Variants in REV3L observed in about 807,000 individuals in gnomAD.
REV3L encodes DNA polymerase zeta catalytic subunit.
Under a neutral mutation model 299.4 loss-of-function variants are expected in REV3L, and 69 were observed. The ratio of observed to expected loss-of-function variants is 0.23; its 90% CI spans 0.19 to 0.28. The LOEUF is 0.28. Ranked by LOEUF, REV3L falls within the 10% of genes least tolerant of loss-of-function variation. The pLI is 1.00. For synonymous variants in REV3L, 1,238 were observed against 1,271.4 expected (o/e 0.97, Z 0.56); for missense variants, 3,128 against 3,693.8 (o/e 0.85, Z 3.97).
chr6:111,331,844 G>T, intron 23 of REV3L, 60 bp from the exon 24 acceptor site: 2 of 1,115,540 alleles, frequency 1.8e-6, no homozygotes, highest in Non-Finnish European at 2.7e-6. Flanking sequence ...GAGATTTTAC[G>T]CAATTTAAAA....
In REV3L at chr6:111,389,201, C is replaced by T. The variant is rs1393750546; in HGVS notation, c.767G>A (p.Gly256Asp). The T allele has an allele frequency of 6.2e-7, 1 of 1,612,898 alleles. No homozygotes were observed. Among genetic ancestry groups the T allele is most frequent in the Non-Finnish European group, 8.5e-7 (1 of 1,179,142 alleles). Residue 256 changes from glycine to aspartate, a missense_variant, in exon 7 of 32, where the codon GGT becomes GAT. Gly to Asp is a moderately conservative substitution (Grantham distance 94). Around this residue, in one of 9 missense-constraint regions of REV3L, gnomAD observed 2,409 missense variants for 2,611.8 expected, o/e 0.92. Transcript: ENST00000368802. The stretch of plus-strand genomic sequence containing the variant: ...TATGGCCTGTAGACCAGGGTTTCCA[C>T]CAATTTGAGCTGTAATCACAATAAT... ...LNRLDIEAQI[G>D]GNPGLQAIWE...
chr6:111,436,625 G>A (rs1400576298), intron 1 of REV3L, among the ~76,000 whole-genome samples: 4 of 152,274 alleles, frequency 2.6e-5, no homozygotes, highest in South Asian at 2.1e-4. Flanking sequence ...ACCAGAAGCT[G>A]AGAAGGGTGG....
rs145645632 is a variant in REV3L at position 111,363,998 on chromosome 6, C to T, written c.6754-20G>A. 1.6e-4 allele frequency: 247 copies of T among 1,589,572 alleles called. 1 individual carries two copies. In the African/African-American group the frequency reaches 2.8e-3, roughly 18 times the overall value. Reference sequence around the variant, plus strand: ...TTGATTCTATAAAAAAAAACACACACACACACAGCCAGAAAAAGATACATG... The same window carrying T: ...TTGATTCTATAAAAAAAAACACACATACACACAGCCAGAAAAAGATACATG... On this transcript the variant is annotated intron_variant, in intron 15 of 31. Coordinates refer to ENST00000368802, the MANE Select transcript of REV3L (RefSeq NM_001372078.1).
chr6:111,322,514 G>T (rs1774295385), intron 26 of REV3L, 55 bp downstream of exon 26: 2 of 1,317,104 alleles, frequency 1.5e-6, no homozygotes, highest in Middle Eastern at 1.9e-4. Context: ...TTTAAACACT[G>T]AAATGAAGAT....
Position 111,303,701 on chromosome 6 carries a change from C to CTTTTTTTTTTTTTTTTTTTTTT in REV3L, c.9253-3567_9253-3546dup, listed in dbSNP as rs58366929. 2.4e-4 allele frequency among the ~76,000 whole-genome samples: 3 copies of CTTTTTTTTTTTTTTTTTTTTTT among 12,642 alleles called. 1 individual carries two copies. The highest frequency in any genetic ancestry group is 0.017 in the East Asian group (2 of 120). 8.3% of individuals were successfully genotyped at this position (12,642 alleles called of 152,430 possible). On this transcript the variant is annotated intron_variant, in intron 31 of 31. Transcript: ENST00000368802. ...TTTTTTTTTTTTTAACAGACTATGA[C>CTTTTTTTTTTTTTTTTTTTTTT]TTTTTTTTTTTTTTTTTTTTTTTTT...
chr6:111,480,922 T>TA (rs1268071085), intron 1 of REV3L, among the ~76,000 whole-genome samples: 8 of 151,716 alleles, frequency 5.3e-5, no homozygotes, highest in Non-Finnish European at 1.2e-4. Flanking sequence ...ATGTGTCTTT[T>TA]AAAAAATATT....
At position 111,373,512 on chromosome 6, in the gene REV3L, A is replaced by C. The variant is rs767568918; in HGVS notation, c.4843T>G (p.Ser1615Ala). ...NLQNSSQLDNSVSDDSPIFFS... is the reference protein window; with the variant it reads ...NLQNSSQLDNAVSDDSPIFFS... ...AAGATGGGACTATCATCTGATACAGAGTTATCCAACTGGCTAGAGTTTTGT... is the reference window on the plus strand; with the variant it reads ...AAGATGGGACTATCATCTGATACAGCGTTATCCAACTGGCTAGAGTTTTGT... Residue 1615 changes from serine to alanine, a missense_variant, in exon 13 of 32, where the codon TCT becomes GCT. Ser to Ala is a moderately conservative substitution (Grantham distance 99). Transcript: ENST00000368802. 1 of 1,613,446 alleles carries C rather than the reference A, an allele frequency of 6.2e-7. No homozygotes were observed. The highest frequency in any genetic ancestry group is 2.2e-5 in the East Asian group (1 of 44,874).
At chr6:111,371,449 G>T (rs571546889) in intron 13 of REV3L, among the ~76,000 whole-genome samples, 5 of 151,898 alleles carry the variant, frequency 3.3e-5, no homozygotes, top group African/African-American at 1.2e-4. Context: ...GGAATGCAGC[G>T]GCGTGAACAC....
intron 1 of REV3L, among the ~76,000 whole-genome samples, chr6:111,425,941 T>C (rs1786126678): frequency 6.6e-6 from 1 of 152,206 alleles, no homozygotes; most frequent in African/African-American, 2.4e-5. Context: ...TACTATGATA[T>C]AAGAAGAAAT....
chr6:111,373,749 T>C lies in REV3L; in HGVS notation c.4606A>G (p.Lys1536Glu). 1 of 1,614,028 alleles carries C rather than the reference T, an allele frequency of 6.2e-7. No homozygotes were observed. The highest frequency in any genetic ancestry group is 8.5e-7 in the Non-Finnish European group (1 of 1,179,990). The change falls in exon 13 of 32, where the codon AAA becomes GAA. Residue 1536 changes from lysine (K) to glutamate (E), a missense_variant. Transcript: ENST00000368802. ...GLAVLKELLQ[K>E]RQQKAQNANT... ...GCATTTTGTGCTTTCTGCTGTCTTT[T>C]TTGTAACAATTCTTTTAGAACTGCC...
intron 29 of REV3L, 69 bp from the exon 30 acceptor site, chr6:111,310,168 G>A (rs1582449576): frequency 2.1e-6 from 3 of 1,451,270 alleles, no homozygotes; most frequent in South Asian, 1.6e-5. Flanking sequence ...CACAAATTAA[G>A]TCAGAATTAA....
chr6:111,397,850 T>C (rs762463372), intron 4 of REV3L, among the ~76,000 whole-genome samples: 3 of 151,968 alleles, frequency 2.0e-5, no homozygotes, highest in Non-Finnish European at 4.4e-5. Flanking sequence ...TTACCTGAGC[T>C]AGTCTCAAAT....
At chr6:111,451,458 C>A (rs1789530038) in intron 1 of REV3L, among the ~76,000 whole-genome samples, 1 of 152,110 alleles carries the variant, frequency 6.6e-6, no homozygotes, top group South Asian at 2.1e-4. Context: ...TTTAGGTGCA[C>A]TTTTGACAGG....
At chr6:111,449,967 AAGT>A (rs1789305109) in intron 1 of REV3L, among the ~76,000 whole-genome samples, 1 of 152,156 alleles carries the variant, frequency 6.6e-6, no homozygotes, top group Admixed American at 6.5e-5. Context: ...TATGTTCAAG[AAGT>A]AGAAGAATGC....
intron 1 of REV3L, chr6:111,460,167 CAG>C (rs1472134055): frequency 6.6e-6 from 1 of 151,994 alleles, no homozygotes; most frequent in Non-Finnish European, 1.5e-5. Context: ...AATGGAGAAA[CAG>C]AAAACCAAAT....
At chr6:111,436,481 A>G (rs568259580) in intron 1 of REV3L, among the ~76,000 whole-genome samples, 1 of 152,322 alleles carries the variant, frequency 6.6e-6, no homozygotes, top group South Asian at 2.1e-4. Flanking sequence ...ATTTGCAGCA[A>G]CGTAAGTGAA....
At chr6:111,334,956 T>C (rs1264498828) in intron 22 of REV3L, among the ~76,000 whole-genome samples, 1 of 152,176 alleles carries the variant, frequency 6.6e-6, no homozygotes, top group Non-Finnish European at 1.5e-5. Context: ...TTGTTGAATA[T>C]ATAAAATCAT....
chr6:111,382,714 A>G (rs1212321380), intron 9 of REV3L, among the ~76,000 whole-genome samples: 1 of 152,138 alleles, frequency 6.6e-6, no homozygotes, highest in Non-Finnish European at 1.5e-5. Flanking sequence ...CTGGGCTCAG[A>G]GCCAGTAGAC....
At chr6:111,350,581 C>G (rs1429190053) in intron 19 of REV3L, among the ~76,000 whole-genome samples, 2 of 151,892 alleles carry the variant, frequency 1.3e-5, no homozygotes, top group Non-Finnish European at 2.9e-5. Flanking sequence ...CTCTGCCCCC[C>G]ATTCCCTTTT....
Sources: allele counts gnomAD v4.1 joint callset (sites outside exome capture counted in the v4.1 genomes callset), GRCh38; gene constraint gnomAD v4.1.1; regional missense constraint gnomAD v4.1.1; transcripts MANE v1.5; gene names NCBI Gene and HGNC (gene_info 2026-07-23, HGNC 2026-07-21).